CACNA2D1: variants seen among roughly 807,000 people sequenced by gnomAD.
The protein encoded by CACNA2D1 is calcium voltage-gated channel auxiliary subunit alpha2delta 1.
A neutral mutation model predicts 171.5 loss-of-function variants in CACNA2D1; 53 were observed. The observed-to-expected ratio is 0.31, with a 90% CI of 0.25 to 0.39. CACNA2D1 has a LOEUF of 0.39. Ranked by LOEUF, CACNA2D1 falls within the 10% of genes least tolerant of loss-of-function variation. The pLI is 1.00. For missense variants in CACNA2D1, 903 were observed against 1,299.8 expected, an observed-to-expected ratio of 0.69 and a Z score of 4.69; for synonymous variants, 442 against 443.1, an observed-to-expected ratio of 1.00 and a Z score of 0.03.
At chr7:82,140,565 T>C (rs956774519) in intron 4 of CACNA2D1, among the ~76,000 whole-genome samples, 2 of 152,160 alleles carry the variant, frequency 1.3e-5, no homozygotes, top group Admixed American at 6.5e-5. Flanking sequence ...CTATGGAATA[T>C]GACCTTAAAA....
chr7:82,283,939 G>T, intron 3 of CACNA2D1, among the ~76,000 whole-genome samples: 1 of 152,094 alleles, frequency 6.6e-6, no homozygotes, highest in East Asian at 1.9e-4. Flanking sequence ...GGTTAAACAT[G>T]AGGGGAAATA....
intron 1 of CACNA2D1, among the ~76,000 whole-genome samples, chr7:82,362,301 C>T (rs1821161504): frequency 6.6e-6 from 1 of 152,134 alleles, no homozygotes; most frequent in Non-Finnish European, 1.5e-5. Context: ...ACGTAGATTT[C>T]AACAAGCAGT....
intron 1 of CACNA2D1, among the ~76,000 whole-genome samples, chr7:82,407,161 C>A (rs987424543): frequency 1.3e-5 from 2 of 152,170 alleles, no homozygotes; most frequent in African/African-American, 4.8e-5. Context: ...CAACTCTGCT[C>A]AAGTGAATTC....
chr7:82,406,393 T>C (rs981601016), intron 1 of CACNA2D1, among the ~76,000 whole-genome samples: 4 of 152,204 alleles, frequency 2.6e-5, no homozygotes, highest in African/African-American at 9.6e-5. Context: ...TTTATAATCC[T>C]TTGGGTATAT....
intron 3 of CACNA2D1, among the ~76,000 whole-genome samples, chr7:82,265,066 G>T (rs1466326163): frequency 1.3e-5 from 2 of 152,170 alleles, no homozygotes; most frequent in Non-Finnish European, 1.5e-5. Flanking sequence ...GTAAGTTATT[G>T]TTGGAGGAAC....
At chr7:82,319,091 G>C (rs922845929) in intron 3 of CACNA2D1, among the ~76,000 whole-genome samples, 1 of 152,132 alleles carries the variant, frequency 6.6e-6, no homozygotes, top group African/African-American at 2.4e-5. Flanking sequence ...TCAATACCAA[G>C]TATAGAAGTA....
intron 4 of CACNA2D1, among the ~76,000 whole-genome samples, chr7:82,158,449 G>A (rs1056469930): frequency 4.2e-5 from 6 of 144,328 alleles, no homozygotes; most frequent in African/African-American, 1.6e-4. Flanking sequence ...CCACTACAAA[G>A]CAAACAGGGG....
rs571112778 is a variant in CACNA2D1 at position 82,256,288 on chromosome 7, C to T, written c.294+78847G>A. ...CAGCCTGGGTGACAGAGTAAGACTCCATCTCAAAAAAATCAAATAAAATTA... is the reference window on the plus strand; with the variant it reads ...CAGCCTGGGTGACAGAGTAAGACTCTATCTCAAAAAAATCAAATAAAATTA... On this transcript the variant is annotated intron_variant, in intron 3 of 38. Coordinates refer to ENST00000356860, the MANE Select transcript of CACNA2D1 (RefSeq NM_000722.4). Among the ~76,000 whole-genome samples the T allele has an allele frequency of 4.6e-5, 7 of 151,932 alleles. No individual in the cohort carries two copies. In the South Asian group the frequency reaches 1.5e-3, roughly 32 times the overall value.
chr7:82,249,156 G>A (rs1248149459), intron 3 of CACNA2D1, among the ~76,000 whole-genome samples: 1 of 151,624 alleles, frequency 6.6e-6, no homozygotes, highest in African/African-American at 2.4e-5. Flanking sequence ...CAACATAGAT[G>A]TTTTCCCAAG....
chr7:81,999,417 C>T (rs576813015), intron 18 of CACNA2D1, among the ~76,000 whole-genome samples: 1 of 152,196 alleles, frequency 6.6e-6, no homozygotes, highest in Admixed American at 6.5e-5. Flanking sequence ...TAGTATTTCT[C>T]ATTTGCAAAA....
At chr7:82,014,544 A>C in intron 12 of CACNA2D1, 65 bp from the exon 13 acceptor site, 1 of 869,988 alleles carries the variant, frequency 1.1e-6, no homozygotes. Flanking sequence ...GCAAAATAAA[A>C]CAGCTAAAAT....
At chr7:82,004,943 T>A (rs1798976676) in intron 18 of CACNA2D1, among the ~76,000 whole-genome samples, 1 of 152,180 alleles carries the variant, frequency 6.6e-6, no homozygotes. Flanking sequence ...GGATTTTACT[T>A]ATACAATCTC....
At chr7:82,402,603 C>A (rs530604280) in intron 1 of CACNA2D1, among the ~76,000 whole-genome samples, 7 of 143,700 alleles carry the variant, frequency 4.9e-5, no homozygotes, top group African/African-American at 1.8e-4. Context: ...CCCAGCTATT[C>A]GGGAGGCTGA....
chr7:82,263,367 T>C (rs539881235), intron 3 of CACNA2D1, among the ~76,000 whole-genome samples: 23 of 152,176 alleles, frequency 1.5e-4, no homozygotes, highest in Admixed American at 2.6e-4. Context: ...TGCCTCAGCA[T>C]CCCAAAGAGC....
intron 1 of CACNA2D1, among the ~76,000 whole-genome samples, chr7:82,415,068 A>C (rs1419172238): frequency 6.6e-6 from 1 of 152,170 alleles, no homozygotes; most frequent in Non-Finnish European, 1.5e-5. Context: ...TTTCTTGGGA[A>C]ATCTGTCTGA....
chr7:82,289,125 G>A (rs1206072860), intron 3 of CACNA2D1, among the ~76,000 whole-genome samples: 4 of 152,058 alleles, frequency 2.6e-5, no homozygotes, highest in African/African-American at 9.7e-5. Context: ...GAAAATGAAT[G>A]CTATTTGTTT....
intron 3 of CACNA2D1, among the ~76,000 whole-genome samples, chr7:82,172,921 T>C (rs918484224): frequency 6.6e-6 from 1 of 152,000 alleles, no homozygotes; most frequent in Non-Finnish European, 1.5e-5. Flanking sequence ...AACTCTAAGA[T>C]GTCTTTGTGT....
chr7:82,012,271 G>A lies in CACNA2D1; in HGVS notation c.1273-28C>T, dbSNP rs763446492. The A allele has an allele frequency of 5.3e-5, 57 of 1,083,274 alleles. 1 individual carries two copies. Among genetic ancestry groups the A allele is most frequent in the South Asian group, 4.9e-4 (36 of 74,200 alleles). The allele number at this position is 1,083,274 out of a possible 1,614,324, so 67.1% of individuals were successfully genotyped here. ...GTTTATGGGAAAAAAAAAAAAAGTC[G>A]TGGTTAAAACTAGGAATGCTGTGTT... is the stretch of plus-strand genomic sequence containing the variant. On this transcript the variant is annotated intron_variant, in intron 14 of 38. Coordinates refer to ENST00000356860, the MANE Select transcript of CACNA2D1 (RefSeq NM_000722.4).
chr7:82,007,071 A>T (rs1026158033), intron 16 of CACNA2D1, among the ~76,000 whole-genome samples: 1 of 152,166 alleles, frequency 6.6e-6, no homozygotes, highest in Non-Finnish European at 1.5e-5. Flanking sequence ...ACAAATAATA[A>T]GTACAAGATA....
Sources: gnomAD v4.1 joint callset for allele counts (sites outside exome capture counted in the v4.1 genomes callset) on GRCh38, gnomAD v4.1.1 for gene constraint, MANE v1.5 for transcripts, NCBI Gene and HGNC (gene_info 2026-07-23, HGNC 2026-07-21) for gene names.